OPCML: variants seen among roughly 807,000 people sequenced by gnomAD.
OPCML encodes the protein opioid binding protein/cell adhesion molecule like.
A neutral mutation model predicts 37.8 loss-of-function variants in OPCML; 13 were observed. The ratio of observed to expected loss-of-function variants is 0.34; its 90% CI spans 0.22 to 0.55. The LOEUF (loss-of-function observed/expected upper bound fraction) is 0.55. Among genes scored for constraint, OPCML ranks in the 20% least tolerant of loss-of-function variants. The probability of loss-of-function intolerance (pLI) is 0.91; values close to 1 mark genes in which losing one functional copy is unlikely to be tolerated. For missense variants in OPCML, 341 were observed against 435.6 expected, an observed-to-expected ratio of 0.78 and a Z score of 1.93; for synonymous variants, 176 against 168.8, an observed-to-expected ratio of 1.04 and a Z score of -0.33.
At chr11:133,375,657 T>TA (rs1944786196) in intron 1 of OPCML, among the ~76,000 whole-genome samples, 1 of 152,166 alleles carries the variant, frequency 6.6e-6, no homozygotes, top group African/African-American at 2.4e-5. Context: ...TCCTTGTACT[T>TA]ACACTTATCT....
intron 1 of OPCML, among the ~76,000 whole-genome samples, chr11:133,183,488 T>C (rs1937932364): frequency 6.6e-6 from 1 of 152,192 alleles, no homozygotes; most frequent in South Asian, 2.1e-4. Flanking sequence ...TGAATGACTG[T>C]CTCATGACTG....
At chr11:132,885,273 A>ATGGGCTG (rs1943367287) in intron 2 of OPCML, among the ~76,000 whole-genome samples, 7 of 152,210 alleles carry the variant, frequency 4.6e-5, no homozygotes, top group Non-Finnish European at 8.8e-5. Flanking sequence ...GCTGCAAAAC[A>ATGGGCTG]CAATATGGGT....
At chr11:133,011,668 T>C (rs1052251413) in intron 1 of OPCML, among the ~76,000 whole-genome samples, 10 of 152,042 alleles carry the variant, frequency 6.6e-5, no homozygotes, top group Admixed American at 2.0e-4. Context: ...GAGTCAATTA[T>C]CTTTACAGTC....
chr11:132,885,334 C>T (rs1400159296), intron 2 of OPCML, among the ~76,000 whole-genome samples: 1 of 152,228 alleles, frequency 6.6e-6, no homozygotes, highest in Non-Finnish European at 1.5e-5. Context: ...TCTAAAACCA[C>T]ATCTTGCCAA....
At chr11:133,196,589 T>G (rs754545771) in intron 1 of OPCML, among the ~76,000 whole-genome samples, 5 of 152,198 alleles carry the variant, frequency 3.3e-5, no homozygotes, top group Non-Finnish European at 5.9e-5. Flanking sequence ...TTAATAGCAC[T>G]GCTCACTGAG....
chr11:132,894,056 A>G (rs1261650428), intron 2 of OPCML, among the ~76,000 whole-genome samples: 1 of 152,136 alleles, frequency 6.6e-6, no homozygotes, highest in Non-Finnish European at 1.5e-5. Context: ...TCTTCTCTAA[A>G]TAACCAGATT....
intron 2 of OPCML, among the ~76,000 whole-genome samples, chr11:132,850,773 C>A (rs1052888926): frequency 7.2e-5 from 11 of 152,286 alleles, no homozygotes; most frequent in Admixed American, 5.2e-4. Flanking sequence ...AATTATTCAG[C>A]AAATACACTA....
intron 1 of OPCML, among the ~76,000 whole-genome samples, chr11:133,526,462 G>A (rs1948493696): frequency 6.6e-6 from 1 of 152,190 alleles, no homozygotes; most frequent in African/African-American, 2.4e-5. Context: ...ATCTATGGTT[G>A]GCAAGGGGGT....
At chr11:132,552,625 T>A (rs961311960) in intron 3 of OPCML, among the ~76,000 whole-genome samples, 1 of 152,140 alleles carries the variant, frequency 6.6e-6, no homozygotes, top group African/African-American at 2.4e-5. Context: ...TAGCTATTAT[T>A]CCCTGCGTCT....
chr11:133,463,195 G>C (rs1946898648), intron 1 of OPCML, among the ~76,000 whole-genome samples: 1 of 142,336 alleles, frequency 7.0e-6, no homozygotes, highest in Middle Eastern at 3.8e-3. Context: ...AAAATAGAAA[G>C]AAAATAAATG....
At chr11:132,955,908 AC>A (rs772477411) in intron 1 of OPCML, among the ~76,000 whole-genome samples, 1 of 152,102 alleles carries the variant, frequency 6.6e-6, no homozygotes, top group Non-Finnish European at 1.5e-5. Context: ...AAAATGCTGA[AC>A]CTTTTCCTAT....
At chr11:133,416,078 T>TAAG (rs1945757468) in intron 1 of OPCML, among the ~76,000 whole-genome samples, 1 of 152,200 alleles carries the variant, frequency 6.6e-6, no homozygotes, top group Non-Finnish European at 1.5e-5. Context: ...AATGGAAATA[T>TAAG]AAGATAGTAA....
intron 1 of OPCML, among the ~76,000 whole-genome samples, chr11:133,341,697 T>C (rs1164014052): frequency 6.6e-6 from 1 of 152,140 alleles, no homozygotes; most frequent in Non-Finnish European, 1.5e-5. Context: ...GGCAGGTGGA[T>C]CACCTGAGGT....
intron 3 of OPCML, among the ~76,000 whole-genome samples, chr11:132,566,526 T>C (rs1299113940): frequency 6.6e-6 from 1 of 152,226 alleles, no homozygotes; most frequent in Non-Finnish European, 1.5e-5. Context: ...TATTATGAGA[T>C]CTAAGATACA....
chr11:133,241,936 T>C (rs1266929424), intron 1 of OPCML, among the ~76,000 whole-genome samples: 1 of 152,204 alleles, frequency 6.6e-6, no homozygotes, highest in African/African-American at 2.4e-5. Flanking sequence ...CTTCAGAAGG[T>C]CCTTCCCTGG....
At chr11:132,958,194 G>A (rs960874214) in intron 1 of OPCML, among the ~76,000 whole-genome samples, 8 of 152,236 alleles carry the variant, frequency 5.3e-5, no homozygotes, top group Non-Finnish European at 1.2e-4. Flanking sequence ...TGCTGACACA[G>A]AGAAGGTTTT....
intron 1 of OPCML, among the ~76,000 whole-genome samples, chr11:133,062,277 C>T (rs1055179956): frequency 2.0e-5 from 3 of 152,156 alleles, no homozygotes; most frequent in Admixed American, 6.5e-5. Flanking sequence ...CCAGACTGGA[C>T]AGACCCGAGT....
chr11:133,165,176 A>G (rs1274506660), intron 1 of OPCML, among the ~76,000 whole-genome samples: 3 of 152,244 alleles, frequency 2.0e-5, no homozygotes, highest in Non-Finnish European at 4.4e-5. Flanking sequence ...GCATGGCCTC[A>G]GCTCTCTGCT....
chr11:132,851,187 T>A (rs576009603), intron 2 of OPCML, among the ~76,000 whole-genome samples: 2 of 152,328 alleles, frequency 1.3e-5, no homozygotes, highest in East Asian at 3.9e-4. Context: ...AGTGCCAATA[T>A]CTTGAAATAT....
Sources: gnomAD v4.1 joint callset for allele counts (sites outside exome capture counted in the v4.1 genomes callset) on GRCh38, gnomAD v4.1.1 for gene constraint, MANE v1.5 for transcripts, NCBI Gene and HGNC (gene_info 2026-07-23, HGNC 2026-07-21) for gene names.